TRIOBP: variants seen among roughly 807,000 people sequenced by gnomAD.
The protein encoded by TRIOBP is TRIO and F-actin-binding protein.
A neutral mutation model predicts 238.8 loss-of-function variants in TRIOBP; 169 were observed. That is an observed-to-expected ratio of 0.71 (90% CI 0.62 to 0.80). The LOEUF is 0.80. Ranked by LOEUF, TRIOBP falls within the 30% of genes least tolerant of loss-of-function variation. TRIOBP has a pLI of 0.00. For missense variants in TRIOBP, 2,838 were observed against 3,122.6 expected, an observed-to-expected ratio of 0.91 and a Z score of 2.17; for synonymous variants, 1,150 against 1,274.4, an observed-to-expected ratio of 0.90 and a Z score of 2.08.
chr22:37,705,474 C>T (rs993849831), intron 3 of TRIOBP, among the ~76,000 whole-genome samples: 7 of 151,930 alleles, frequency 4.6e-5, no homozygotes, highest in African/African-American at 1.5e-4. Context: ...CACAGAGGAG[C>T]TATAGGACAA....
chr22:37,756,782 C>CA (rs1487412684), intron 15 of TRIOBP, among the ~76,000 whole-genome samples: 1 of 140,812 alleles, frequency 7.1e-6, no homozygotes, highest in African/African-American at 3.2e-5. Flanking sequence ...GACCACGTAC[C>CA]CAGCTATGAC....
chr22:37,754,866 C>T lies in TRIOBP; in HGVS notation c.5380-11C>T. On this transcript the variant is annotated splice_polypyrimidine_tract_variant and intron_variant, in intron 12 of 23. Transcript: ENST00000644935. Reference sequence around the variant, plus strand: ...ACACACACTGGCTCTTTCATTCCATCCTCCTTGCAGCCTCCCTCCCCCTCG... The same window carrying T: ...ACACACACTGGCTCTTTCATTCCATTCTCCTTGCAGCCTCCCTCCCCCTCG... The T allele has an allele frequency of 1.2e-6, 2 of 1,613,668 alleles. No homozygotes were observed. The highest frequency in any genetic ancestry group is 1.7e-6 in the Non-Finnish European group (2 of 1,179,598).
intron 6 of TRIOBP, 34 bp from the exon 7 acceptor site, chr22:37,723,151 C>G (rs1415803678): frequency 6.2e-7 from 1 of 1,610,644 alleles, no homozygotes; most frequent in Non-Finnish European, 8.5e-7. Flanking sequence ...CTGGACCTCT[C>G]CCCTTACCTT....
chr22:37,765,054 C>T (rs540533304), intron 17 of TRIOBP, among the ~76,000 whole-genome samples: 24 of 152,112 alleles, frequency 1.6e-4, no homozygotes, highest in Non-Finnish European at 2.5e-4. Context: ...AGGCCAAGGC[C>T]GGCAGATCAC....
rs772596781 is a variant in TRIOBP, at chr22:37,702,705, A to G, written c.114+1226A>G. Reference sequence around the variant, plus strand: ...AGCACAGGCTGGAGTGCAGTGGTCCAACCTATAGTACATGGCTCACTGTAG... The same window carrying G: ...AGCACAGGCTGGAGTGCAGTGGTCCGACCTATAGTACATGGCTCACTGTAG... On this transcript the variant is annotated intron_variant, in intron 3 of 23. Transcript: ENST00000644935. Among the ~76,000 whole-genome samples the G allele has an allele frequency of 3.9e-4, 54 of 139,422 alleles. 1 individual carries two copies. The highest frequency in any genetic ancestry group is 7.7e-5 in the Admixed American group (1 of 13,034). 91.5% of individuals were successfully genotyped at this position (139,422 alleles called of 152,430 possible). A position where few individuals can be genotyped will look rare whatever the true frequency, so the allele number is the denominator to read the frequency against.
rs1926935199 is a variant in TRIOBP at position 37,774,268 on chromosome 22, G to C, written c.*488G>C. 6.6e-6 allele frequency: 1 copy of C among 152,374 alleles called. No homozygotes were observed. Among genetic ancestry groups the C allele is most frequent in the African/African-American group, 2.4e-5 (1 of 41,418 alleles). The allele number at this position is 152,374 out of a possible 1,614,324, so 9.4% of individuals were successfully genotyped here. A position where few individuals can be genotyped will look rare whatever the true frequency, so the allele number is the denominator to read the frequency against. ...GGAGGCCCAGGCAGCAGCCATGGCG[G>C]GGTGTCTCTACAGGGGAGAGGCGGG... On this transcript the variant is annotated 3_prime_UTR_variant, in exon 24 of 24. Transcript: ENST00000644935.
chr22:37,722,131 G>A (rs1337616589), intron 6 of TRIOBP, among the ~76,000 whole-genome samples: 6 of 152,166 alleles, frequency 3.9e-5, no homozygotes, highest in South Asian at 2.1e-4. Context: ...ATAAAAGGTT[G>A]TCCATCCCTG....
intron 11 of TRIOBP, chr22:37,750,695 T>C (rs1268662747): frequency 1.3e-5 from 6 of 470,962 alleles, no homozygotes; most frequent in Non-Finnish European, 2.6e-5. Flanking sequence ...ACTGTGGCTG[T>C]GGAAGGTTCT....
chr22:37,753,976 TTCCTACATG>T (rs1925769007), intron 12 of TRIOBP, among the ~76,000 whole-genome samples: 1 of 152,150 alleles, frequency 6.6e-6, no homozygotes, highest in Non-Finnish European at 1.5e-5. Context: ...CCCCACCCCT[TTCCTACATG>T]TCCTGCCAAT....
chr22:37,723,331 G>T lies in TRIOBP; in HGVS notation c.775G>T (p.Ala259Ser), dbSNP rs1316183198. The T allele has an allele frequency of 9.9e-6, 16 of 1,614,074 alleles. No individual in the cohort carries two copies. Among genetic ancestry groups the T allele is most frequent in the African/African-American group, 4.0e-5 (3 of 75,010 alleles). Residue 259 changes from alanine (A) to serine (S), a missense_variant, in exon 7 of 24, where the codon GCT becomes TCT. Transcript: ENST00000644935. ...TGGACCTCGAAGCACCACGTCTCAG[G>T]CTTCTCCTGCCCAAAGGGACACTGC... ...HSGPRSTTSQASPAQRDTAQA... is the reference protein window; with the variant it reads ...HSGPRSTTSQSSPAQRDTAQA...
At chr22:37,721,237 T>C (rs1315491713) in intron 6 of TRIOBP, among the ~76,000 whole-genome samples, 1 of 152,122 alleles carries the variant, frequency 6.6e-6, no homozygotes, top group Admixed American at 6.6e-5. Context: ...GGTCTCGAAC[T>C]CCTGACCTCA....
Position 37,713,335 on chromosome 22 carries a change from A to G in TRIOBP, c.380A>G (p.Asn127Ser). The part of the protein sequence containing the change: ...GLTTSLCGSC[N>S]EDPGSDPTSS... ...ACCACTTCCTTGTGTGGCAGCTGCA[A>G]CGAGGACCCCGGCTCTGACCCCACC... The change falls in exon 5 of 24, where the codon AAC becomes AGC. Residue 127 changes from asparagine to serine, a missense_variant. Transcript: ENST00000644935. 1 of 1,614,018 alleles carries G rather than the reference A, an allele frequency of 6.2e-7. No homozygotes were observed. The highest frequency in any genetic ancestry group is 8.5e-7 in the Non-Finnish European group (1 of 1,179,956).
chr22:37,773,114 G>A (rs967205593), intron 23 of TRIOBP, among the ~76,000 whole-genome samples: 13 of 152,228 alleles, frequency 8.5e-5, no homozygotes, highest in Admixed American at 2.6e-4. Context: ...CACATCGCAC[G>A]CTGAGGCCGG....
At position 37,723,264 on chromosome 22, in the gene TRIOBP, C is replaced by G; in HGVS notation, c.708C>G (p.His236Gln). 6.2e-7 allele frequency: 1 copy of G among 1,614,064 alleles called. No individual in the cohort carries two copies. Among genetic ancestry groups the G allele is most frequent in the African/African-American group, 1.3e-5 (1 of 75,016 alleles). ...RGESGLSLER[H>Q]RSTLTQASSM... Reference sequence around the variant, plus strand: ...AAAGCGGGTTGTCCCTGGAGCGGCACCGGTCAACACTGACCCAGGCTTCCT... The same window carrying G: ...AAAGCGGGTTGTCCCTGGAGCGGCAGCGGTCAACACTGACCCAGGCTTCCT... Residue 236 changes from histidine (H) to glutamine (Q), a missense_variant, in exon 7 of 24, where the codon CAC becomes CAG. His to Gln is a conservative substitution (Grantham distance 24). This residue lies in a region of TRIOBP where 535 missense variants were observed against 537.3 expected (regional missense o/e 1.00). Coordinates refer to ENST00000644935, the MANE Select transcript of TRIOBP (RefSeq NM_001039141.3).
At chr22:37,727,444 G>A (rs900322772) in intron 7 of TRIOBP, among the ~76,000 whole-genome samples, 3 of 151,710 alleles carry the variant, frequency 2.0e-5, no homozygotes, top group African/African-American at 4.8e-5. Context: ...CGAGGCGGGC[G>A]GATCACAAGG....
chr22:37,716,013 C>T, intron 6 of TRIOBP, 79 bp downstream of exon 6: 1 of 1,528,904 alleles, frequency 6.5e-7, no homozygotes, highest in Non-Finnish European at 9.0e-7. Flanking sequence ...CCATTTGGGA[C>T]TCTGGGCACG....
In TRIOBP at chr22:37,735,184, A is replaced by T; in HGVS notation, c.4848A>T (p.Pro1616=). 1 of 1,609,730 alleles carries T rather than the reference A, an allele frequency of 6.2e-7. No homozygotes were observed. Among genetic ancestry groups the T allele is most frequent in the South Asian group, 1.1e-5 (1 of 90,996 alleles). ...CTTTAGGGCCAGAGCTGGGTCCCCC[A>T]GGCACAAACGATGTCCCTGAGCAGG... ...ARALGPELGP[P]GTNDVPEQES... Residue 1616 remains proline (P), a synonymous_variant, in exon 9 of 24, where the codon CCA becomes CCT. Transcript: ENST00000644935.
chr22:37,772,553 G>A (rs370303690), intron 22 of TRIOBP, 48 bp from the exon 23 acceptor site: 1 of 1,613,162 alleles, frequency 6.2e-7, no homozygotes. Context: ...GGTTGGCAGG[G>A]CTGGAGGGAG....
chr22:37,734,284 T>C, intron 8 of TRIOBP, 115 bp from the exon 9 acceptor site: 1 of 1,024,730 alleles, frequency 9.8e-7, no homozygotes, highest in South Asian at 1.4e-5. Context: ...TGGCCTGCTT[T>C]GATTCAGGCT....
Sources: gnomAD v4.1 joint callset for allele counts (sites outside exome capture counted in the v4.1 genomes callset) on GRCh38, gnomAD v4.1.1 for gene constraint, gnomAD v4.1.1 regional missense constraint, MANE v1.5 for transcripts, NCBI Gene and HGNC (gene_info 2026-07-23, HGNC 2026-07-21) for gene names.